Variants in HPGDS observed in about 807,000 individuals in gnomAD.
The protein encoded by HPGDS is hematopoietic prostaglandin D synthase, also known as GST class-sigma.
A neutral mutation model predicts 23.1 loss-of-function variants in HPGDS; 26 were observed. The ratio of observed to expected loss-of-function variants is 1.13; its 90% confidence interval spans 0.83 to 1.56. The LOEUF is 1.56. Ranked by LOEUF, HPGDS falls within the 40% of genes most tolerant of loss-of-function variation. HPGDS has a pLI of 0.00. For missense variants in HPGDS, 268 were observed against 236.4 expected (o/e 1.13, Z -0.88); for synonymous variants, 95 against 77.9 (o/e 1.22, Z -1.16).
At chr4:94,322,113 C>G (rs1395038895) in intron 2 of HPGDS, among the ~76,000 whole-genome samples, 1 of 152,072 alleles carries the variant, frequency 6.6e-6, no homozygotes, top group African/African-American at 2.4e-5. Context: ...AGGAATGAAG[C>G]CAGCTTGATC....
intron 3 of HPGDS, 56 bp from the exon 4 acceptor site, chr4:94,308,799 G>T: frequency 1.1e-6 from 1 of 911,744 alleles, no homozygotes. Context: ...TAAAAAGTTT[G>T]TTTTTAACAG....
intron 1 of HPGDS, among the ~76,000 whole-genome samples, chr4:94,339,904 C>T (rs561773628): frequency 6.6e-6 from 1 of 152,216 alleles, no homozygotes; most frequent in South Asian, 2.1e-4. Context: ...GGGATTTCCC[C>T]TTTAACTTGG....
chr4:94,302,449 T>TA (rs1413737718), intron 4 of HPGDS, among the ~76,000 whole-genome samples: 2 of 152,178 alleles, frequency 1.3e-5, no homozygotes, highest in Admixed American at 6.6e-5. Flanking sequence ...GCTCATGGAT[T>TA]AAAAAAATAG....
chr4:94,337,214 A>AC (rs1179079532), intron 1 of HPGDS, among the ~76,000 whole-genome samples: 1 of 151,190 alleles, frequency 6.6e-6, no homozygotes, highest in Non-Finnish European at 1.5e-5. Context: ...CAGGTAATCC[A>AC]CCCCCCTTGG....
intron 3 of HPGDS, among the ~76,000 whole-genome samples, chr4:94,310,308 T>TA (rs1756238390): frequency 6.6e-6 from 1 of 152,204 alleles, no homozygotes; most frequent in Non-Finnish European, 1.5e-5. Context: ...AATTTTTGTA[T>TA]AAGGTGTAAG....
chr4:94,338,845 C>T (rs190814249), intron 1 of HPGDS, among the ~76,000 whole-genome samples: 210 of 152,136 alleles, frequency 1.4e-3, no homozygotes, highest in Non-Finnish European at 1.3e-4. Context: ...ATTTAAACTT[C>T]GAGAGATTCT....
intron 4 of HPGDS, among the ~76,000 whole-genome samples, chr4:94,306,180 G>A (rs371348970): frequency 6.6e-6 from 1 of 151,972 alleles, no homozygotes; most frequent in African/African-American, 2.4e-5. Flanking sequence ...ACCCCACGAT[G>A]CATCCAGCTT....
chr4:94,300,469 C>G (rs1298817726), intron 5 of HPGDS, among the ~76,000 whole-genome samples: 1 of 151,992 alleles, frequency 6.6e-6, no homozygotes, highest in Admixed American at 6.6e-5. Context: ...ACTCTTTTTT[C>G]TTTTTGTATA....
chr4:94,317,545 C>G (rs147367117), intron 3 of HPGDS, among the ~76,000 whole-genome samples: 9 of 152,104 alleles, frequency 5.9e-5, no homozygotes, highest in Non-Finnish European at 1.2e-4. Context: ...AAGTAATTTT[C>G]TCTAATAACT....
In HPGDS at chr4:94,331,933, C is replaced by T. The variant is rs147471332; in HGVS notation, c.133+2564G>A. Among the ~76,000 whole-genome samples, 882 of 152,212 alleles carry T rather than the reference C, an allele frequency of 5.8e-3. 19 individuals carry two copies. Among genetic ancestry groups the T allele is most frequent in the Non-Finnish European group, 3.8e-3 (257 of 68,022 alleles). On this transcript the variant is annotated intron_variant, in intron 2 of 5. Coordinates refer to ENST00000295256, the MANE Select transcript of HPGDS (RefSeq NM_014485.3). Reference sequence around the variant, plus strand: ...AGCCAAAAAGCCTGAAACCTGCGGCCCAACATAAGAAAATCTATTCCTGTT... The same window carrying T: ...AGCCAAAAAGCCTGAAACCTGCGGCTCAACATAAGAAAATCTATTCCTGTT...
intron 2 of HPGDS, among the ~76,000 whole-genome samples, chr4:94,333,091 G>A (rs1756762081): frequency 6.6e-6 from 1 of 152,166 alleles, no homozygotes; most frequent in Non-Finnish European, 1.5e-5. Flanking sequence ...GTGTTGACTG[G>A]AGATTTTCTA....
chr4:94,312,950 G>T (rs890490731), intron 3 of HPGDS, among the ~76,000 whole-genome samples: 1 of 152,034 alleles, frequency 6.6e-6, no homozygotes, highest in Non-Finnish European at 1.5e-5. Context: ...CAGAGACTAG[G>T]ATTGCAACCC....
intron 2 of HPGDS, among the ~76,000 whole-genome samples, chr4:94,331,780 A>G (rs978149290): frequency 6.6e-6 from 1 of 152,134 alleles, no homozygotes; most frequent in East Asian, 1.9e-4. Flanking sequence ...CCCTGAGAGT[A>G]ACCTCCATGC....
chr4:94,309,432 A>G (rs1252769870), intron 3 of HPGDS, among the ~76,000 whole-genome samples: 1 of 152,062 alleles, frequency 6.6e-6, no homozygotes, highest in East Asian at 1.9e-4. Flanking sequence ...TTCCAGCTTC[A>G]TCCATGACCC....
chr4:94,305,147 C>T (rs1193367761), intron 4 of HPGDS, among the ~76,000 whole-genome samples: 1 of 152,066 alleles, frequency 6.6e-6, no homozygotes, highest in African/African-American at 2.4e-5. Context: ...CATATGCTAA[C>T]ATTTAATCCT....
Position 94,325,719 on chromosome 4 carries a change from C to T in HPGDS, c.134-7754G>A, listed in dbSNP as rs192781977. Among the ~76,000 whole-genome samples, 82 of 152,276 alleles carry T rather than the reference C, an allele frequency of 5.4e-4. 1 individual carries two copies. The highest frequency in any genetic ancestry group is 1.9e-3 in the African/African-American group (78 of 41,558). ...TTCCTTTGGCTAGGAAAGGGAAATC[C>T]CTCAACCCCCTGTGCTTCCTGGGTG... On this transcript the variant is annotated intron_variant, in intron 2 of 5. Transcript: ENST00000295256.
At chr4:94,303,266 C>A (rs1279792142) in intron 4 of HPGDS, among the ~76,000 whole-genome samples, 1 of 152,064 alleles carries the variant, frequency 6.6e-6, no homozygotes, top group Non-Finnish European at 1.5e-5. Flanking sequence ...GTCCAAAAAT[C>A]CAAAATGCTC....
rs1454411168 is a variant in HPGDS, at chr4:94,340,842, TTTC to T, written c.-10+1950_-10+1952del. ...CCCGGCAAATTTTTTTCTTTTTTTTTTTCTTTCTTTTTTTTTTTTTGAGACGGA... is the reference window on the plus strand; with the variant it reads ...CCCGGCAAATTTTTTTCTTTTTTTTTTTTCTTTTTTTTTTTTTGAGACGGA... On this transcript the variant is annotated intron_variant, in intron 1 of 5. Transcript: ENST00000295256. Among the ~76,000 whole-genome samples the T allele has an allele frequency of 2.3e-3, 235 of 103,432 alleles. 2 individuals carry two copies. The highest frequency in any genetic ancestry group is 2.7e-3 in the Non-Finnish European group (127 of 46,400). 67.9% of individuals were successfully genotyped at this position (103,432 alleles called of 152,430 possible). A position where few individuals can be genotyped will look rare whatever the true frequency, so the allele number is the denominator to read the frequency against.
Position 94,299,425 on chromosome 4 carries a change from A to T in HPGDS, c.*55T>A, listed in dbSNP as rs2126033510. On this transcript the variant is annotated 3_prime_UTR_variant, in exon 6 of 6. Coordinates refer to ENST00000295256, the MANE Select transcript of HPGDS (RefSeq NM_014485.3). ...TCTGGCAGGCTGATGTAGCTGTCTT[A>T]TCTGATGAGAGAGATGCCCCCGAGA... 1 of 1,510,874 alleles carries T rather than the reference A, an allele frequency of 6.6e-7. No individual in the cohort carries two copies. Among genetic ancestry groups the T allele is most frequent in the Non-Finnish European group, 9.0e-7 (1 of 1,114,766 alleles). The allele number at this position is 1,510,874 out of a possible 1,614,324, so 93.6% of individuals were successfully genotyped here. A position where few individuals can be genotyped will look rare whatever the true frequency, so the allele number is the denominator to read the frequency against.
Sources: allele counts gnomAD v4.1 joint callset (sites outside exome capture counted in the v4.1 genomes callset), GRCh38; gene constraint gnomAD v4.1.1; transcripts MANE v1.5; gene names NCBI Gene and HGNC (gene_info 2026-07-23, HGNC 2026-07-21).